The following TENM3 variants were observed in gnomAD, a reference collection of about 807,000 sequenced individuals.
TENM3 encodes the protein teneurin transmembrane protein 3.
In TENM3, 63 loss-of-function variants were observed where a neutral mutation model predicts 255.1. The observed-to-expected ratio is 0.25, with a 90% CI of 0.20 to 0.30. The LOEUF is 0.30. Among genes scored for constraint, TENM3 ranks in the 10% least tolerant of loss-of-function variants. The pLI is 1.00. For synonymous variants in TENM3, 1,306 were observed against 1,322.3 expected (o/e 0.99, Z 0.27); for missense variants, 2,929 against 3,461.1 (o/e 0.85, Z 3.86).
the TENM3 span, among the ~76,000 whole-genome samples, chr4:181,613,346 G>A: frequency 6.6e-6 from 1 of 152,218 alleles, no homozygotes; most frequent in African/African-American, 2.4e-5. Flanking sequence ...AAGCCCAGCT[G>A]GTGGGAGCAG....
chr4:182,241,518 C>CTT (rs982739950), upstream of TENM3, among the ~76,000 whole-genome samples: 198 of 114,268 alleles, frequency 1.7e-3, 3 homozygotes, highest in East Asian at 0.027. Flanking sequence ...TTTTTTCTTT[C>CTT]TTTTTTTTTT....
the TENM3 span, among the ~76,000 whole-genome samples, chr4:181,757,812 C>G: frequency 6.6e-6 from 1 of 152,152 alleles, no homozygotes; most frequent in Non-Finnish European, 1.5e-5. Context: ...CAAACACAAT[C>G]ATTCCACTTT....
chr4:181,952,699 G>A, the TENM3 span, among the ~76,000 whole-genome samples: 2 of 152,190 alleles, frequency 1.3e-5, no homozygotes, highest in African/African-American at 2.4e-5. Flanking sequence ...CAGAGGACAC[G>A]TGAGATCAAC....
the TENM3 span, among the ~76,000 whole-genome samples, chr4:181,949,931 C>T: frequency 1.3e-5 from 2 of 152,152 alleles, no homozygotes; most frequent in Non-Finnish European, 2.9e-5. Flanking sequence ...GCCACCTCCT[C>T]GGAGAGCCCA....
At chr4:181,482,198 G>A in the TENM3 span, among the ~76,000 whole-genome samples, 2 of 152,066 alleles carry the variant, frequency 1.3e-5, no homozygotes, top group African/African-American at 2.4e-5. Context: ...ATGTAATAGT[G>A]ATCAGATCAA....
intron 3 of TENM3, among the ~76,000 whole-genome samples, chr4:182,405,705 T>C (rs1769520358): frequency 6.6e-6 from 1 of 152,158 alleles, no homozygotes; most frequent in Non-Finnish European, 1.5e-5. Context: ...GTGCAGGCAA[T>C]TTATGTTGTA....
intron 3 of TENM3, among the ~76,000 whole-genome samples, chr4:182,540,019 A>G (rs1258065534): frequency 6.6e-6 from 1 of 152,152 alleles, no homozygotes; most frequent in Non-Finnish European, 1.5e-5. Flanking sequence ...TCTTCCTAAT[A>G]CTCCTAGAGA....
chr4:182,048,920 C>T, the TENM3 span, among the ~76,000 whole-genome samples: 1 of 152,166 alleles, frequency 6.6e-6, no homozygotes, highest in African/African-American at 2.4e-5. Flanking sequence ...TGTTTTCATG[C>T]AAGAAGTTCA....
At chr4:182,181,730 T>C (rs1264613346) in intron 1 of TENM3, among the ~76,000 whole-genome samples, 1 of 152,210 alleles carries the variant, frequency 6.6e-6, no homozygotes, top group Non-Finnish European at 1.5e-5. Context: ...CTGTTTACAA[T>C]ATAGGTATTA....
At chr4:181,538,252 G>A in the TENM3 span, among the ~76,000 whole-genome samples, 3 of 152,048 alleles carry the variant, frequency 2.0e-5, no homozygotes, top group Admixed American at 6.6e-5. Flanking sequence ...CTCACAATAC[G>A]ATCGGTACTT....
At chr4:182,378,933 T>C (rs7677376) in intron 3 of TENM3, among the ~76,000 whole-genome samples, 133,871 of 151,746 alleles carry the variant, frequency 0.88, 59,426 homozygotes, top group African/African-American at 0.92. Context: ...ACCGTTTCCC[T>C]TGAGACTCTA....
intron 24 of TENM3, among the ~76,000 whole-genome samples, chr4:182,775,649 A>G (rs184548338): frequency 9.4e-4 from 143 of 152,280 alleles, no homozygotes; most frequent in Admixed American, 1.8e-3. Context: ...GCTGTCCTGA[A>G]GCAGGGGTCA....
rs369232801 is a variant in TENM3 at position 182,359,266 on chromosome 4, A to G, written c.511+12337A>G. ...GTTAGGGAGGATTCTCTCTTTTTCT[A>G]TTGATTCGAATAGTTTCAGAAGGAA... On this transcript the variant is annotated intron_variant, in intron 3 of 27. Transcript: ENST00000511685. Among the ~76,000 whole-genome samples the G allele has an allele frequency of 1.2e-4, 19 of 152,136 alleles. No homozygotes were observed. In the East Asian group the frequency reaches 2.7e-3, roughly 22 times the overall value.
chr4:182,646,479 C>A (rs971814196), intron 5 of TENM3, among the ~76,000 whole-genome samples: 1 of 152,176 alleles, frequency 6.6e-6, no homozygotes, highest in African/African-American at 2.4e-5. Flanking sequence ...TGGCGACTCA[C>A]TCCTGTAATC....
At chr4:182,246,345 G>A (rs1757643702) in intron 1 of TENM3, among the ~76,000 whole-genome samples, 1 of 149,474 alleles carries the variant, frequency 6.7e-6, no homozygotes, top group Admixed American at 6.8e-5. Context: ...TTCGCTATGA[G>A]CCCCCACCCC....
intron 3 of TENM3, among the ~76,000 whole-genome samples, chr4:182,430,551 C>A (rs370972545): frequency 6.7e-6 from 1 of 150,038 alleles, no homozygotes; most frequent in African/African-American, 2.5e-5. Flanking sequence ...CCATCTCAAA[C>A]GAGAAAAAAG....
At chr4:181,640,095 T>C in the TENM3 span, among the ~76,000 whole-genome samples, 1 of 152,188 alleles carries the variant, frequency 6.6e-6, no homozygotes, top group Non-Finnish European at 1.5e-5. Flanking sequence ...GACAGTTGAA[T>C]GAACAGGTAG....
chr4:181,672,716 G>A, the TENM3 span, among the ~76,000 whole-genome samples: 1 of 152,244 alleles, frequency 6.6e-6, no homozygotes, highest in East Asian at 1.9e-4. Flanking sequence ...TGCATTATAG[G>A]TGCTAGCAAT....
intron 13 of TENM3, among the ~76,000 whole-genome samples, chr4:182,718,315 A>C (rs546878079): frequency 1.3e-4 from 20 of 152,204 alleles, no homozygotes; most frequent in African/African-American, 4.8e-4. Context: ...TTCTCAGGCC[A>C]TCTCCTCCCC....
Sources: gnomAD v4.1 joint callset for allele counts (sites outside exome capture counted in the v4.1 genomes callset) on GRCh38, gnomAD v4.1.1 for gene constraint, MANE v1.5 for transcripts, NCBI Gene and HGNC (gene_info 2026-07-23, HGNC 2026-07-21) for gene names.